The following DACH2 variants were observed in gnomAD, a reference collection of about 807,000 sequenced individuals.
DACH2 encodes dachshund family transcription factor 2.
A neutral mutation model predicts 35.8 loss-of-function variants in DACH2; 17 were observed. That is an observed-to-expected ratio of 0.48 (90% confidence interval 0.33 to 0.71). DACH2 has a LOEUF of 0.71. DACH2 is among the 30% of genes least tolerant of loss of function. The probability of loss-of-function intolerance (pLI) is 0.02; values close to 1 mark genes in which losing one functional copy is unlikely to be tolerated. For missense variants in DACH2, 469 were observed against 472.7 expected, an observed-to-expected ratio of 0.99 and a Z score of 0.07; for synonymous variants, 195 against 177.3, an observed-to-expected ratio of 1.10 and a Z score of -0.79.
intron 1 of DACH2, among the ~76,000 whole-genome samples, chrX:86,156,389 T>C (rs1305691481): frequency 9.0e-6 from 1 of 111,628 alleles, no homozygotes; most frequent in African/African-American, 3.2e-5. Flanking sequence ...CTTATTAGAA[T>C]TCTTTGCAGT....
At chrX:86,239,848 A>G (rs981730) in intron 1 of DACH2, among the ~76,000 whole-genome samples, 47,271 of 110,567 alleles carry the variant, frequency 0.43, 7,284 homozygotes, top group South Asian at 0.75. Context: ...ACTTGGTGTT[A>G]TATATCTTTT....
At chrX:86,435,566 A>G (rs2037054549) in intron 2 of DACH2, among the ~76,000 whole-genome samples, 1 of 112,075 alleles carries the variant, frequency 8.9e-6, no homozygotes, top group African/African-American at 3.2e-5. Flanking sequence ...TTTGATTTCA[A>G]AAAAATTTCC....
intron 6 of DACH2, among the ~76,000 whole-genome samples, chrX:86,730,921 A>T (rs1456575658): frequency 2.7e-5 from 3 of 111,534 alleles, no homozygotes; most frequent in African/African-American, 9.8e-5. Context: ...AAAGAAGGTT[A>T]TGGGATGTAT....
intron 1 of DACH2, among the ~76,000 whole-genome samples, chrX:86,326,291 A>G (rs1179118700): frequency 9.1e-6 from 1 of 110,124 alleles, no homozygotes; most frequent in Non-Finnish European, 1.9e-5. Context: ...CCCGGCCAAC[A>G]TGGTGAAACT....
chrX:86,240,097 A>G (rs2033133027), intron 1 of DACH2, among the ~76,000 whole-genome samples: 2 of 111,703 alleles, frequency 1.8e-5, no homozygotes, highest in Non-Finnish European at 3.8e-5. Flanking sequence ...TATCTCACCA[A>G]TTATAACCAA....
intron 7 of DACH2, among the ~76,000 whole-genome samples, chrX:86,802,247 T>C (rs1046424210): frequency 9.9e-5 from 11 of 111,032 alleles, no homozygotes; most frequent in African/African-American, 2.9e-4. Flanking sequence ...CTCTACTCTA[T>C]ACCTACTGAG....
intron 1 of DACH2, among the ~76,000 whole-genome samples, chrX:86,293,562 C>T (rs777974277): frequency 2.9e-4 from 32 of 109,931 alleles, no homozygotes; most frequent in Middle Eastern, 4.7e-3. Flanking sequence ...CGGCTGGTAC[C>T]GGTTGTTCCT....
chrX:86,535,153 C>A (rs2038779678), intron 3 of DACH2, among the ~76,000 whole-genome samples: 1 of 111,231 alleles, frequency 9.0e-6, no homozygotes, highest in Non-Finnish European at 1.9e-5. Context: ...GGGTAGAAGT[C>A]ATAATTTCAT....
chrX:86,175,931 A>C (rs745640194), intron 1 of DACH2, among the ~76,000 whole-genome samples: 84 of 111,713 alleles, frequency 7.5e-4, no homozygotes, highest in African/African-American at 2.5e-3. Context: ...TTATTAAAAA[A>C]ACTTTAGTAT....
intron 1 of DACH2, among the ~76,000 whole-genome samples, chrX:86,328,531 C>A (rs985815490): frequency 6.3e-5 from 7 of 111,238 alleles, no homozygotes; most frequent in Non-Finnish European, 1.1e-4. Context: ...TCTCATTTCC[C>A]GAGAGGAACA....
At chrX:86,591,064 A>G (rs1358070460) in intron 3 of DACH2, among the ~76,000 whole-genome samples, 2 of 110,075 alleles carry the variant, frequency 1.8e-5, no homozygotes, top group Admixed American at 9.8e-5. Flanking sequence ...GAGTGAGAAC[A>G]TGTGGTATTT....
intron 2 of DACH2, among the ~76,000 whole-genome samples, chrX:86,453,086 T>A: frequency 8.9e-6 from 1 of 111,909 alleles, no homozygotes; most frequent in Non-Finnish European, 1.9e-5. Context: ...CCCAGAGTCA[T>A]TCAGGAGCAG....
intron 1 of DACH2, among the ~76,000 whole-genome samples, chrX:86,371,076 G>A (rs958556860): frequency 2.7e-5 from 3 of 110,739 alleles, no homozygotes; most frequent in Middle Eastern, 4.6e-3. Context: ...GAGGCTCCTC[G>A]GACAGGACCA....
intron 1 of DACH2, among the ~76,000 whole-genome samples, chrX:86,295,175 G>T (rs765196308): frequency 1.8e-5 from 2 of 111,688 alleles, no homozygotes; most frequent in Non-Finnish European, 3.8e-5. Context: ...GGAGTGACCC[G>T]ATTTTCCAGG....
intron 1 of DACH2, among the ~76,000 whole-genome samples, chrX:86,212,527 C>A (rs1015849182): frequency 1.8e-5 from 2 of 110,675 alleles, no homozygotes; most frequent in African/African-American, 6.5e-5. Flanking sequence ...TCAAGCCAGG[C>A]TGATTGGAAT....
At chrX:86,273,247 G>C (rs1248204649) in intron 1 of DACH2, among the ~76,000 whole-genome samples, 3 of 111,509 alleles carry the variant, frequency 2.7e-5, no homozygotes, top group African/African-American at 9.8e-5. Flanking sequence ...GTTCCCAGAA[G>C]TCCTTATTTA....
At chrX:86,450,841 ATATGT>A (rs988705224) in intron 2 of DACH2, among the ~76,000 whole-genome samples, 4 of 111,364 alleles carry the variant, frequency 3.6e-5, no homozygotes, top group African/African-American at 1.3e-4. Flanking sequence ...GCTTTTAAAA[ATATGT>A]TTGTTGGCCA....
chrX:86,747,451 G>A (rs775317656), intron 7 of DACH2, among the ~76,000 whole-genome samples: 1 of 110,855 alleles, frequency 9.0e-6, no homozygotes, highest in African/African-American at 3.3e-5. Flanking sequence ...GAGATATCAT[G>A]TATTTGGTTC....
At chrX:86,695,401 C>T (rs1190060986) in intron 5 of DACH2, among the ~76,000 whole-genome samples, 2 of 109,128 alleles carry the variant, frequency 1.8e-5, no homozygotes, top group Non-Finnish European at 3.8e-5. Flanking sequence ...ATGGGAGGTA[C>T]GTGGAAAGTA....
Sources: allele counts gnomAD v4.1 joint callset (sites outside exome capture counted in the v4.1 genomes callset), GRCh38; gene constraint gnomAD v4.1.1; transcripts MANE v1.5; gene names NCBI Gene and HGNC (gene_info 2026-07-23, HGNC 2026-07-21).